The following SRRM3 variants were observed in gnomAD, a reference collection of about 807,000 sequenced individuals.
SRRM3 encodes serine/arginine repetitive matrix protein 3.
A neutral mutation model predicts 66.2 loss-of-function variants in SRRM3; 27 were observed. That is an observed-to-expected ratio of 0.41 (90% CI 0.30 to 0.56). SRRM3 has a LOEUF of 0.56. SRRM3 is among the 20% of genes least tolerant of loss of function. The probability of loss-of-function intolerance (pLI) is 0.32; values close to 1 mark genes in which losing one functional copy is unlikely to be tolerated. For synonymous variants in SRRM3, 391 were observed against 414.9 expected (o/e 0.94, Z 0.70); for missense variants, 918 against 991.9 (o/e 0.93, Z 1.00).
intron 2 of SRRM3, among the ~76,000 whole-genome samples, chr7:76,238,691 C>G (rs954624152): frequency 6.6e-6 from 1 of 152,170 alleles, no homozygotes; most frequent in Non-Finnish European, 1.5e-5. Flanking sequence ...GATGGATTCT[C>G]GCTGTGTCAC....
chr7:76,253,777 A>T (rs1801639381), intron 3 of SRRM3, among the ~76,000 whole-genome samples: 1 of 148,496 alleles, frequency 6.7e-6, no homozygotes, highest in African/African-American at 2.5e-5. Flanking sequence ...ACAAGAGTGA[A>T]ACTCTGTTTC....
At chr7:76,218,930 T>C (rs1289848456) in intron 1 of SRRM3, among the ~76,000 whole-genome samples, 12 of 151,560 alleles carry the variant, frequency 7.9e-5, no homozygotes, top group African/African-American at 2.9e-4. Flanking sequence ...TCTTGGCTCA[T>C]TGCCACTTCT....
At chr7:76,265,199 C>T (rs1215267597) in intron 9 of SRRM3, among the ~76,000 whole-genome samples, 165 bp from the exon 10 acceptor site, 1 of 152,104 alleles carries the variant, frequency 6.6e-6, no homozygotes, top group Non-Finnish European at 1.5e-5. Flanking sequence ...CAGCCAGCAC[C>T]AACACTGCTG....
intron 1 of SRRM3, among the ~76,000 whole-genome samples, chr7:76,204,023 G>T (rs1583858122): frequency 6.6e-6 from 1 of 152,044 alleles, no homozygotes; most frequent in Non-Finnish European, 1.5e-5. Context: ...GGGGGGTCTG[G>T]GTCTGACAGT....
At chr7:76,219,911 A>AAAAC (rs376343762) in intron 1 of SRRM3, among the ~76,000 whole-genome samples, 2,889 of 152,218 alleles carry the variant, frequency 0.019, 103 homozygotes, top group African/African-American at 0.066. Context: ...TACTGTCTCA[A>AAAAC]AAACAAACAA....
At chr7:76,232,577 A>G (rs1453917912) in intron 1 of SRRM3, among the ~76,000 whole-genome samples, 1 of 151,952 alleles carries the variant, frequency 6.6e-6, no homozygotes, top group African/African-American at 2.4e-5. Context: ...TTCTCCAAAA[A>G]AAAAAAGAGC....
chr7:76,251,742 C>T (rs560414456), intron 3 of SRRM3, among the ~76,000 whole-genome samples: 1 of 151,932 alleles, frequency 6.6e-6, no homozygotes, highest in Admixed American at 6.6e-5. Context: ...CCAGCCTGGG[C>T]AACAGAGCAA....
chr7:76,243,931 T>A (rs147891046), intron 2 of SRRM3, among the ~76,000 whole-genome samples: 83 of 152,308 alleles, frequency 5.4e-4, no homozygotes, highest in Non-Finnish European at 8.8e-4. Context: ...TCTTCCTGGG[T>A]GCCAGGCTCT....
Position 76,235,135 on chromosome 7 carries a change from G to A in SRRM3, c.69G>A (p.Pro23=). ...CACCCGACGCCGCGAACGGCTTCCC[G>A]CAGCCCAGCTCCTCCTCGGGGACCT... is the stretch of plus-strand genomic sequence containing the variant. ...QSTPDAANGF[P]QPSSSSGTWP... Residue 23 remains proline (P), a synonymous_variant, in exon 2 of 15, where the codon CCG becomes CCA. Transcript: ENST00000611745. 13 of 1,570,200 alleles carry A rather than the reference G, an allele frequency of 8.3e-6. No individual in the cohort carries two copies. The highest frequency in any genetic ancestry group is 3.6e-5 in the Admixed American group (2 of 54,958).
intron 11 of SRRM3, among the ~76,000 whole-genome samples, chr7:76,272,238 C>T (rs1411542425): frequency 6.6e-6 from 1 of 152,164 alleles, no homozygotes; most frequent in Non-Finnish European, 1.5e-5. Context: ...GGGCCACCTG[C>T]TCACCTTAGA....
intron 3 of SRRM3, among the ~76,000 whole-genome samples, chr7:76,258,686 C>T (rs1182109488): frequency 7.4e-6 from 1 of 135,772 alleles, no homozygotes; most frequent in African/African-American, 2.8e-5. Context: ...TGCACTCCAG[C>T]CTAGTCGACA....
At chr7:76,252,367 G>A (rs1377044121) in intron 3 of SRRM3, among the ~76,000 whole-genome samples, 2 of 152,188 alleles carry the variant, frequency 1.3e-5, no homozygotes, top group African/African-American at 4.8e-5. Context: ...TGTCATCCAG[G>A]CTGGAGTGCA....
Position 76,235,839 on chromosome 7 carries a change from C to T in SRRM3, c.233+540C>T, listed in dbSNP as rs149613333. Among the ~76,000 whole-genome samples the T allele has an allele frequency of 5.5e-3, 826 of 151,460 alleles. 10 individuals are homozygous for T. The highest frequency in any genetic ancestry group is 0.018 in the African/African-American group (760 of 41,236). On this transcript the variant is annotated intron_variant, in intron 2 of 14. Coordinates refer to ENST00000611745, the MANE Select transcript of SRRM3 (RefSeq NM_001110199.3). ...TGGCCAACATGGTGAAAATCCGTCT[C>T]TACTAAAAATACAAAAATTAGCCAG...
At chr7:76,262,516 GAAAAAAAA>G (rs782055282) in intron 8 of SRRM3, among the ~76,000 whole-genome samples, 2 of 92,748 alleles carry the variant, frequency 2.2e-5, no homozygotes, top group East Asian at 3.0e-4. Context: ...CTCTGTCTCA[GAAAAAAAA>G]AAAAAAAAAA....
rs35309176 is a variant in SRRM3, at chr7:76,243,898, T to TG, written c.234-4283dup. On this transcript the variant is annotated intron_variant, in intron 2 of 14. Coordinates refer to ENST00000611745, the MANE Select transcript of SRRM3 (RefSeq NM_001110199.3). The stretch of plus-strand genomic sequence containing the variant: ...GGGAGCAATTGCTCTCTGCCTCTGC[T>TG]GGGGGGGTGGGGCACCACCCTTTCT... Among the ~76,000 whole-genome samples, 13 of 152,176 alleles carry TG rather than the reference T, an allele frequency of 8.5e-5. No homozygotes were observed. The East Asian group carries it at 1.5e-3, about 18-fold the overall frequency.
intron 11 of SRRM3, 29 bp from the exon 12 acceptor site, chr7:76,281,412 C>G (rs1478514044): frequency 8.2e-7 from 1 of 1,217,214 alleles, no homozygotes; most frequent in African/African-American, 1.6e-5. Flanking sequence ...CTCCCCCCTC[C>G]GTGCCCTGTC....
At chr7:76,228,869 C>T (rs1433629507) in intron 1 of SRRM3, among the ~76,000 whole-genome samples, 1 of 151,142 alleles carries the variant, frequency 6.6e-6, no homozygotes, top group Non-Finnish European at 1.5e-5. Context: ...TCAGGAGAAC[C>T]TGGGGGACGT....
intron 8 of SRRM3, among the ~76,000 whole-genome samples, chr7:76,262,466 G>C (rs1462184529): frequency 6.7e-6 from 1 of 148,754 alleles, no homozygotes; most frequent in Admixed American, 6.7e-5. Flanking sequence ...AGAGATTGCA[G>C]TGGAGTGCAC....
chr7:76,236,264 G>A (rs1349076956), intron 2 of SRRM3, among the ~76,000 whole-genome samples: 1 of 147,686 alleles, frequency 6.8e-6, no homozygotes, highest in Non-Finnish European at 1.5e-5. Flanking sequence ...AGCTGAGATC[G>A]AGACATTGCA....
Sources: allele counts gnomAD v4.1 joint callset (sites outside exome capture counted in the v4.1 genomes callset), GRCh38; gene constraint gnomAD v4.1.1; transcripts MANE v1.5; gene names NCBI Gene and HGNC (gene_info 2026-07-23, HGNC 2026-07-21).